KEAP1: variants seen among roughly 807,000 people sequenced by gnomAD.
KEAP1 encodes kelch like ECH associated protein 1, also known as kelch-like ECH-associated protein 1.
KEAP1 carries 26 observed loss-of-function variants against 59.7 expected under a neutral mutation model. The ratio of observed to expected loss-of-function variants is 0.44; its 90% CI spans 0.32 to 0.60. The LOEUF is 0.60. Among genes scored for constraint, KEAP1 ranks in the 20% least tolerant of loss-of-function variants. The pLI, the probability that KEAP1 is intolerant of heterozygous loss-of-function variation, is 0.06. For missense variants in KEAP1, 539 were observed against 871.4 expected, an observed-to-expected ratio of 0.62 and a Z score of 4.80; for synonymous variants, 350 against 358.3, an observed-to-expected ratio of 0.98 and a Z score of 0.26.
At chr19:10,489,607 G>A (rs2144588964) in intron 4 of KEAP1, 41 bp downstream of exon 4, 2 of 1,598,654 alleles carry the variant, frequency 1.3e-6, no homozygotes, top group Non-Finnish European at 1.7e-6. Context: ...GGATGGTAGG[G>A]GGTGTTCCTG....
At chr19:10,501,417 C>G (rs1915040115) in intron 1 of KEAP1, among the ~76,000 whole-genome samples, 1 of 151,786 alleles carries the variant, frequency 6.6e-6, no homozygotes, top group Non-Finnish European at 1.5e-5. Flanking sequence ...ATCACAAGGT[C>G]AGAAGATCGA....
At position 10,502,823 on chromosome 19, in the gene KEAP1, T is replaced by C. The variant is rs1915091555; in HGVS notation, c.-48+418A>G. 6.6e-6 allele frequency: 1 copy of C among 151,842 alleles called. No homozygotes were observed. The allele number at this position is 151,842 out of a possible 1,614,324, so 9.4% of individuals were successfully genotyped here. ...TAAGCAGAGCCGGGCGCCCGCCGTG[T>C]CACAATAAAAGTCCCCGGGCCCTGG... On this transcript the variant is annotated intron_variant, in intron 1 of 5. Transcript: ENST00000171111. The surrounding 1 kb of genome is among the most constrained non-coding windows in gnomAD (Gnocchi z 4.0).
At chr19:10,489,005 G>C (rs1222869529) in intron 5 of KEAP1, among the ~76,000 whole-genome samples, 187 bp downstream of exon 5, 1 of 150,530 alleles carries the variant, frequency 6.6e-6, no homozygotes, top group Non-Finnish European at 1.5e-5. Flanking sequence ...TGAGGCAGGA[G>C]GATGGCTGGA....
chr19:10,498,585 T>C (rs1033654669), intron 2 of KEAP1, among the ~76,000 whole-genome samples: 2 of 152,166 alleles, frequency 1.3e-5, no homozygotes, highest in African/African-American at 4.8e-5. Context: ...AAGGACATTG[T>C]GTGGACCAAA....
Position 10,503,061 on chromosome 19 carries a change from C to G in KEAP1, c.-48+180G>C, listed in dbSNP as rs1239884985. On this transcript the variant is annotated intron_variant, in intron 1 of 5. Coordinates refer to ENST00000171111, the MANE Select transcript of KEAP1 (RefSeq NM_203500.2). The surrounding 1 kb of genome is among the most constrained non-coding windows in gnomAD (Gnocchi z 4.3). ...GCCCGCACCAGGGGTGGGGTGGACA[C>G]CCCTCCCCGTCGCTGCTGCCCAAGC... The G allele has an allele frequency of 5.9e-5, 9 of 152,166 alleles. No homozygotes were observed. The highest frequency in any genetic ancestry group is 2.2e-4 in the African/African-American group (9 of 41,516). 9.4% of individuals were successfully genotyped at this position (152,166 alleles called of 1,614,324 possible). A position where few individuals can be genotyped will look rare whatever the true frequency, so the allele number is the denominator to read the frequency against.
rs767955774 is a variant in KEAP1 at position 10,500,078 on chromosome 19, G to A, written c.-45C>T. 1.6e-5 allele frequency: 24 copies of A among 1,514,212 alleles called. No homozygotes were observed. The highest frequency in any genetic ancestry group is 2.0e-5 in the Non-Finnish European group (23 of 1,132,262). 93.8% of individuals were successfully genotyped at this position (1,514,212 alleles called of 1,614,324 possible). A position where few individuals can be genotyped will look rare whatever the true frequency, so the allele number is the denominator to read the frequency against. The stretch of plus-strand genomic sequence containing the variant: ...AACACCACCACCTCTGGCACTCAGG[G>A]ACCTGGAGGGGAGAGAGCACAGGGC... On this transcript the variant is annotated splice_region_variant and 5_prime_UTR_variant, in exon 2 of 6. Transcript: ENST00000171111.
intron 2 of KEAP1, among the ~76,000 whole-genome samples, chr19:10,498,199 C>CTTTTT (rs35066564): frequency 1.9e-5 from 2 of 106,154 alleles, no homozygotes; most frequent in East Asian, 2.9e-4. Context: ...CGCGCCCAGG[C>CTTTTT]TTTTTTTTTT....
intron 2 of KEAP1, chr19:10,492,471 C>A (rs1049466384): frequency 3.6e-6 from 2 of 560,410 alleles, no homozygotes; most frequent in Non-Finnish European, 6.4e-6. Flanking sequence ...GTAATGCCAG[C>A]ACTTTGGGAG....
intron 4 of KEAP1, 74 bp from the exon 5 acceptor site, chr19:10,489,442 G>A (rs1914593160): frequency 6.8e-7 from 1 of 1,463,808 alleles, no homozygotes; most frequent in Non-Finnish European, 9.4e-7. Flanking sequence ...CTCCTTGAGG[G>A]AGACCTTTCC....
rs766141061 is a variant in KEAP1, at chr19:10,486,918, C to T, written c.1709-100G>A. ...GCAGCTGTGAGATGCAAAAGCAGGC[C>T]GGGCGTGGTGGCTCACGCCTATAAT... On this transcript the variant is annotated intron_variant, in intron 5 of 5. Coordinates refer to ENST00000171111, the MANE Select transcript of KEAP1 (RefSeq NM_203500.2). 27 of 1,300,538 alleles carry T rather than the reference C, an allele frequency of 2.1e-5. 1 individual carries two copies. Among genetic ancestry groups the T allele is most frequent in the Admixed American group, 6.5e-5 (3 of 46,282 alleles). The allele number at this position is 1,300,538 out of a possible 1,614,324, so 80.6% of individuals were successfully genotyped here.
At chr19:10,501,800 C>T (rs1414811646) in intron 1 of KEAP1, among the ~76,000 whole-genome samples, 1 of 152,042 alleles carries the variant, frequency 6.6e-6, no homozygotes, top group Non-Finnish European at 1.5e-5. Context: ...CCCTCCTCGA[C>T]CTCCCAAAAT....
chr19:10,502,138 T>G lies in KEAP1; in HGVS notation c.-48+1103A>C, dbSNP rs1025369766. On this transcript the variant is annotated intron_variant, in intron 1 of 5. Coordinates refer to ENST00000171111, the MANE Select transcript of KEAP1 (RefSeq NM_203500.2). This position sits in a 1 kb window ranked among gnomAD's most constrained non-coding sequence, Gnocchi z 4.0. ...GGGCCTGGCACTGCGCAGGGGTCAA[T>G]AAACGGGTGGTTGGCTAACTGCCCT... Among the ~76,000 whole-genome samples the G allele has an allele frequency of 1.3e-5, 2 of 152,100 alleles. No individual in the cohort carries two copies. The highest frequency in any genetic ancestry group is 2.4e-5 in the African/African-American group (1 of 41,422).
chr19:10,489,120 A>T (rs1188144832), intron 5 of KEAP1, 72 bp downstream of exon 5: 167 of 920,374 alleles, frequency 1.8e-4, no homozygotes, highest in Non-Finnish European at 2.4e-4. Flanking sequence ...AAAAAAAAAA[A>T]GGAAAGCAAA....
chr19:10,499,388 C>A lies in KEAP1; in HGVS notation c.639+7G>T. ...GACACTGCCCCCAGCCCCACTTCCC[C>A]GCTCACCTCCCCAAAATGCATGTAG... On this transcript the variant is annotated splice_region_variant and intron_variant, in intron 2 of 5. Coordinates refer to ENST00000171111, the MANE Select transcript of KEAP1 (RefSeq NM_203500.2). This position sits in a 1 kb window ranked among gnomAD's most constrained non-coding sequence, Gnocchi z 6.7. 1.3e-6 allele frequency: 2 copies of A among 1,574,838 alleles called. No individual in the cohort carries two copies. Among genetic ancestry groups the A allele is most frequent in the East Asian group, 2.3e-5 (1 of 43,260 alleles).
At position 10,492,017 on chromosome 19, in the gene KEAP1, G is replaced by C. The variant is rs1568398655; in HGVS notation, c.885C>G (p.Ser295=). ...TCTTGACCAGGTAGTCCTTGCAGCG[G>C]GAGTCGGACTGCAGGATCTCGCACT... ...LQKCEILQSD[S]RCKDYLVKIF... The change falls in exon 3 of 6, where the codon TCC becomes TCG. Residue 295 remains serine (S), a synonymous_variant. Transcript: ENST00000171111. 6.2e-7 allele frequency: 1 copy of C among 1,614,114 alleles called. No homozygotes were observed. The highest frequency in any genetic ancestry group is 8.5e-7 in the Non-Finnish European group (1 of 1,180,050).
At chr19:10,498,644 G>A (rs1914936848) in intron 2 of KEAP1, among the ~76,000 whole-genome samples, 1 of 152,146 alleles carries the variant, frequency 6.6e-6, no homozygotes, top group Non-Finnish European at 1.5e-5. Flanking sequence ...TGTCACGGGT[G>A]TCCAATAAAC....
At position 10,499,744 on chromosome 19, in the gene KEAP1, T is replaced by C. The variant is rs1231290647; in HGVS notation, c.290A>G (p.Lys97Arg). 6.2e-7 allele frequency: 1 copy of C among 1,613,908 alleles called. No individual in the cohort carries two copies. The highest frequency in any genetic ancestry group is 1.7e-5 in the Admixed American group (1 of 59,984). Residue 97 changes from lysine (K) to arginine (R), a missense_variant, in exon 2 of 6, where the codon AAG becomes AGG. By Grantham distance (26) the Lys-to-Arg change is conservative. Transcript: ENST00000171111. This position sits in a 1 kb window ranked among gnomAD's most constrained non-coding sequence, Gnocchi z 6.7. ...AGGGCTGGATGAGGCCAGCACCACC[T>C]TGTGGGCCATGAACTGGGCGGCCGG... ...DAPAAQFMAH[K>R]VVLASSSPVF...
chr19:10,487,054 A>G (rs1229583450), intron 5 of KEAP1, among the ~76,000 whole-genome samples: 1 of 151,412 alleles, frequency 6.6e-6, no homozygotes, highest in Non-Finnish European at 1.5e-5. Flanking sequence ...AAAAAAAAAA[A>G]AAAAAATGGC....
At chr19:10,501,894 A>G (rs1915057258) in intron 1 of KEAP1, among the ~76,000 whole-genome samples, 1 of 152,098 alleles carries the variant, frequency 6.6e-6, no homozygotes, top group South Asian at 2.1e-4. Flanking sequence ...GGCTCCCCAC[A>G]AGTGGATCTG....
Sources: gnomAD v4.1 joint callset for allele counts (sites outside exome capture counted in the v4.1 genomes callset) on GRCh38, gnomAD v4.1.1 for gene constraint, Gnocchi (gnomAD v3.1) non-coding constraint, MANE v1.5 for transcripts, NCBI Gene and HGNC (gene_info 2026-07-23, HGNC 2026-07-21) for gene names.